The following KATNAL1 variants were observed in gnomAD, a reference collection of about 807,000 sequenced individuals.
KATNAL1 encodes the protein katanin catalytic subunit A1 like 1, also known as katanin p60 ATPase-containing subunit A-like 1.
A neutral mutation model predicts 55.2 loss-of-function variants in KATNAL1; 32 were observed. The observed-to-expected ratio is 0.58, with a 90% CI of 0.44 to 0.78. The LOEUF (loss-of-function observed/expected upper bound fraction) is 0.78, where lower values mean the gene tolerates loss of function less well. Among genes scored for constraint, KATNAL1 ranks in the 30% least tolerant of loss-of-function variants. The probability of loss-of-function intolerance (pLI) is 0.00; values close to 1 mark genes in which losing one functional copy is unlikely to be tolerated. For synonymous variants in KATNAL1, 193 were observed against 193.6 expected, an observed-to-expected ratio of 1.00 and a Z score of 0.02; for missense variants, 466 against 600.9, an observed-to-expected ratio of 0.78 and a Z score of 2.35.
rs1199594507 is a variant in KATNAL1, at chr13:30,206,259, C to G, written c.*2281G>C. ...TCATGCCACTGCACTCCAGCCTGGG[C>G]GACAGAGCAAGACTCAGTCTCAAAA... On this transcript the variant is annotated 3_prime_UTR_variant, in exon 11 of 11. Coordinates refer to ENST00000380615, the MANE Select transcript of KATNAL1 (RefSeq NM_032116.5). 6.6e-6 allele frequency: 1 copy of G among 151,506 alleles called. No individual in the cohort carries two copies. Among genetic ancestry groups the G allele is most frequent in the Non-Finnish European group, 1.5e-5 (1 of 67,948 alleles). 9.4% of individuals were successfully genotyped at this position (151,506 alleles called of 1,614,324 possible). A position where few individuals can be genotyped will look rare whatever the true frequency, so the allele number is the denominator to read the frequency against.
intron 10 of KATNAL1, 87 bp from the exon 11 acceptor site, chr13:30,208,825 A>T (rs1593819160): frequency 4.3e-6 from 4 of 933,198 alleles, no homozygotes; most frequent in East Asian, 2.8e-5. Context: ...AAAAAAAATC[A>T]AAAGATTATT....
At chr13:30,270,704 T>C (rs1186741822) in intron 3 of KATNAL1, among the ~76,000 whole-genome samples, 1 of 151,580 alleles carries the variant, frequency 6.6e-6, no homozygotes, top group East Asian at 1.9e-4. Context: ...AAACAGATGC[T>C]TGAAGGCAGC....
At chr13:30,219,860 A>G (rs17074431) in intron 9 of KATNAL1, among the ~76,000 whole-genome samples, 2,112 of 152,306 alleles carry the variant, frequency 0.014, 40 homozygotes, top group African/African-American at 0.039. Context: ...TTCTTCTATA[A>G]TTCCAAAGGA....
intron 3 of KATNAL1, among the ~76,000 whole-genome samples, chr13:30,278,017 A>C (rs1441061292): frequency 6.7e-6 from 1 of 148,316 alleles, no homozygotes; most frequent in African/African-American, 2.5e-5. Flanking sequence ...AAAAAGATTT[A>C]ATTCATTAAC....
chr13:30,243,608 C>CAAAAAAAAAAAAAAAA (rs139687662), intron 4 of KATNAL1, among the ~76,000 whole-genome samples: 4 of 86,460 alleles, frequency 4.6e-5, no homozygotes, highest in Non-Finnish European at 8.8e-5. Context: ...GGTATTAAGC[C>CAAAAAAAAAAAAAAAA]AAAAAAAAAA....
intron 1 of KATNAL1, among the ~76,000 whole-genome samples, chr13:30,288,235 A>G (rs1428836944): frequency 6.6e-6 from 1 of 152,162 alleles, no homozygotes; most frequent in Non-Finnish European, 1.5e-5. Flanking sequence ...TATGATTTCA[A>G]TTCAGCATAA....
At chr13:30,267,637 G>T (rs192304903) in intron 3 of KATNAL1, among the ~76,000 whole-genome samples, 1 of 152,296 alleles carries the variant, frequency 6.6e-6, no homozygotes, top group African/African-American at 2.4e-5. Flanking sequence ...AAAATAATAT[G>T]CAGTGACAAC....
At chr13:30,218,965 A>G (rs563466613) in intron 9 of KATNAL1, among the ~76,000 whole-genome samples, 2 of 152,292 alleles carry the variant, frequency 1.3e-5, no homozygotes, top group East Asian at 3.9e-4. Context: ...TAAGTGATAT[A>G]TTGGCTTTTC....
chr13:30,245,158 A>C (rs2137435232), intron 4 of KATNAL1, among the ~76,000 whole-genome samples: 1 of 152,328 alleles, frequency 6.6e-6, no homozygotes, highest in Non-Finnish European at 1.5e-5. Flanking sequence ...ATTCTCAATA[A>C]AATACTGGCA....
intron 4 of KATNAL1, among the ~76,000 whole-genome samples, chr13:30,252,697 G>A (rs1267601151): frequency 6.6e-6 from 1 of 151,674 alleles, no homozygotes; most frequent in Non-Finnish European, 1.5e-5. Flanking sequence ...TAAACACTGG[G>A]GACTCCCATA....
At chr13:30,233,178 A>G (rs553623263) in intron 6 of KATNAL1, among the ~76,000 whole-genome samples, 2 of 152,264 alleles carry the variant, frequency 1.3e-5, no homozygotes, top group African/African-American at 4.8e-5. Context: ...ACACCCCCAC[A>G]ATGGGAGAAA....
chr13:30,260,140 A>C lies in KATNAL1; in HGVS notation c.324-4525T>G, dbSNP rs190859540. ...GACACCTCACACGGCTGGGTACTCC[A>C]ACAGACCTGCAGCTGAGGGTCCTGT... On this transcript the variant is annotated intron_variant, in intron 3 of 10. Transcript: ENST00000380615. Among the ~76,000 whole-genome samples, 1,208 of 152,236 alleles carry C rather than the reference A, an allele frequency of 7.9e-3. 10 individuals are homozygous for C. The highest frequency in any genetic ancestry group is 0.027 in the African/African-American group (1,140 of 41,544).
intron 3 of KATNAL1, among the ~76,000 whole-genome samples, chr13:30,277,908 G>A (rs1336911447): frequency 1.0e-4 from 15 of 148,526 alleles, no homozygotes; most frequent in African/African-American, 1.8e-4. Context: ...GCGTGAACCC[G>A]GGAGGCGGAG....
chr13:30,281,931 A>G (rs1215403973), intron 2 of KATNAL1: 1 of 152,210 alleles, frequency 6.6e-6, no homozygotes, highest in Admixed American at 6.5e-5. Flanking sequence ...GAAAAACACG[A>G]GCTTAAATAA....
intron 1 of KATNAL1, among the ~76,000 whole-genome samples, chr13:30,293,805 T>C (rs905519545): frequency 6.6e-6 from 1 of 152,212 alleles, no homozygotes; most frequent in Non-Finnish European, 1.5e-5. Context: ...TGAAGATTCA[T>C]GGCAACTGTG....
At chr13:30,269,283 T>C (rs1336732243) in intron 3 of KATNAL1, among the ~76,000 whole-genome samples, 1 of 152,226 alleles carries the variant, frequency 6.6e-6, no homozygotes, top group African/African-American at 2.4e-5. Context: ...GGGGTTTCGC[T>C]GTGTTGGCCG....
intron 3 of KATNAL1, among the ~76,000 whole-genome samples, chr13:30,271,446 T>C (rs1216879850): frequency 6.6e-6 from 1 of 151,920 alleles, no homozygotes; most frequent in Non-Finnish European, 1.5e-5. Flanking sequence ...AAACTTACAA[T>C]CATGGCAGAA....
chr13:30,244,343 G>C (rs537229319), intron 4 of KATNAL1, among the ~76,000 whole-genome samples: 1 of 152,258 alleles, frequency 6.6e-6, no homozygotes, highest in East Asian at 1.9e-4. Flanking sequence ...GGGCATTTGG[G>C]TTGGTTCCAA....
chr13:30,258,255 T>C (rs1214183300), intron 3 of KATNAL1, among the ~76,000 whole-genome samples: 1 of 152,244 alleles, frequency 6.6e-6, no homozygotes, highest in South Asian at 2.1e-4. Flanking sequence ...ATATGCCTTA[T>C]TCTATCACAT....
Sources: allele counts gnomAD v4.1 joint callset (sites outside exome capture counted in the v4.1 genomes callset), GRCh38; gene constraint gnomAD v4.1.1; transcripts MANE v1.5; gene names NCBI Gene and HGNC (gene_info 2026-07-23, HGNC 2026-07-21).